Variants in LHFPL3 observed in about 807,000 individuals in gnomAD.
LHFPL3 encodes the protein LHFPL tetraspan subfamily member 3 protein.
In LHFPL3, 5 loss-of-function variants were observed where a neutral mutation model predicts 19.3. The observed-to-expected ratio is 0.26, with a 90% CI of 0.14 to 0.54. The LOEUF is 0.54. Ranked by LOEUF, LHFPL3 falls within the 20% of genes least tolerant of loss-of-function variation. The pLI, the probability that LHFPL3 is intolerant of heterozygous loss-of-function variation, is 0.94. For synonymous variants in LHFPL3, 133 were observed against 126.2 expected, an observed-to-expected ratio of 1.05 and a Z score of -0.36; for missense variants, 249 against 307.4, an observed-to-expected ratio of 0.81 and a Z score of 1.42.
At chr7:104,505,563 G>T (rs914301508) in intron 1 of LHFPL3, among the ~76,000 whole-genome samples, 1 of 152,118 alleles carries the variant, frequency 6.6e-6, no homozygotes, top group Non-Finnish European at 1.5e-5. Flanking sequence ...GAGCATGGAT[G>T]ACTGAGTTGT....
chr7:104,729,982 G>T (rs1185371471), intron 1 of LHFPL3, among the ~76,000 whole-genome samples: 1 of 151,746 alleles, frequency 6.6e-6, no homozygotes, highest in East Asian at 1.9e-4. Flanking sequence ...ACCTATGAGT[G>T]AGAACATGCA....
chr7:104,417,868 TCTTCTTCTTC>T (rs1562890942), intron 1 of LHFPL3, among the ~76,000 whole-genome samples: 121 of 129,472 alleles, frequency 9.3e-4, no homozygotes, highest in African/African-American at 3.3e-3. Context: ...TTCTTCTTCT[TCTTCTTCTTC>T]TTCTTCTTTT....
At chr7:104,697,490 T>C (rs1472339821) in intron 1 of LHFPL3, among the ~76,000 whole-genome samples, 2 of 152,156 alleles carry the variant, frequency 1.3e-5, no homozygotes, top group Non-Finnish European at 2.9e-5. Flanking sequence ...AAAATAAATA[T>C]AGAATGATTG....
chr7:104,342,623 C>T (rs1476766228), intron 1 of LHFPL3, among the ~76,000 whole-genome samples: 1 of 152,156 alleles, frequency 6.6e-6, no homozygotes, highest in African/African-American at 2.4e-5. Flanking sequence ...TCTTTAGGAA[C>T]CTGAAGTGCA....
At chr7:104,610,766 A>G (rs141226303) in intron 1 of LHFPL3, among the ~76,000 whole-genome samples, 1,843 of 152,334 alleles carry the variant, frequency 0.012, 23 homozygotes, top group Middle Eastern at 0.017. Context: ...TGCTCATCTC[A>G]TCCAGAAACA....
intron 2 of LHFPL3, among the ~76,000 whole-genome samples, chr7:104,810,225 G>A (rs1261041876): frequency 2.0e-5 from 3 of 152,186 alleles, no homozygotes; most frequent in Non-Finnish European, 4.4e-5. Flanking sequence ...GGCTAGCCGT[G>A]ATGGGCTCTG....
intron 1 of LHFPL3, among the ~76,000 whole-genome samples, chr7:104,410,197 A>G (rs1393429534): frequency 6.6e-6 from 1 of 152,050 alleles, no homozygotes; most frequent in African/African-American, 2.4e-5. Flanking sequence ...CAATGGTGCA[A>G]TCTTGGCTCA....
chr7:104,737,750 G>A (rs2116306343), intron 2 of LHFPL3, among the ~76,000 whole-genome samples: 1 of 152,252 alleles, frequency 6.6e-6, no homozygotes, highest in African/African-American at 2.4e-5. Flanking sequence ...CTTTAAAACT[G>A]TGCACTTACA....
intron 1 of LHFPL3, among the ~76,000 whole-genome samples, chr7:104,362,698 G>A (rs1235672166): frequency 6.6e-6 from 1 of 152,206 alleles, no homozygotes; most frequent in Non-Finnish European, 1.5e-5. Flanking sequence ...CCAGCTAAAT[G>A]GGAGACCAGA....
chr7:104,722,188 G>A (rs1793502582), intron 1 of LHFPL3, among the ~76,000 whole-genome samples: 1 of 152,100 alleles, frequency 6.6e-6, no homozygotes, highest in South Asian at 2.1e-4. Context: ...CATACATGCA[G>A]GTGTGGACGG....
intron 1 of LHFPL3, among the ~76,000 whole-genome samples, chr7:104,655,961 C>T (rs1416749256): frequency 6.6e-6 from 1 of 152,084 alleles, no homozygotes; most frequent in East Asian, 1.9e-4. Flanking sequence ...TAGAAAATGA[C>T]TCGTAGGGCT....
At chr7:104,524,184 G>T (rs1794136723) in intron 1 of LHFPL3, among the ~76,000 whole-genome samples, 12 of 152,160 alleles carry the variant, frequency 7.9e-5, no homozygotes, top group Admixed American at 7.9e-4. Context: ...AGAGAAGTTA[G>T]ACAAGGCAAG....
intron 1 of LHFPL3, among the ~76,000 whole-genome samples, chr7:104,467,815 T>C (rs1468645184): frequency 6.6e-6 from 1 of 152,220 alleles, no homozygotes; most frequent in African/African-American, 2.4e-5. Flanking sequence ...TTTGGTTTAT[T>C]TATTTTCTCC....
At chr7:104,391,466 G>C (rs1269549221) in intron 1 of LHFPL3, among the ~76,000 whole-genome samples, 2 of 152,186 alleles carry the variant, frequency 1.3e-5, no homozygotes, top group South Asian at 2.1e-4. Context: ...GCTTGTTTTT[G>C]TTAGGTTTGT....
intron 1 of LHFPL3, among the ~76,000 whole-genome samples, chr7:104,390,459 T>C (rs1484623210): frequency 1.1e-4 from 16 of 152,204 alleles, no homozygotes; most frequent in Admixed American, 4.6e-4. Context: ...GTCCTTGTGA[T>C]AGTTTGCTGA....
chr7:104,462,609 G>T (rs879030402), intron 1 of LHFPL3, among the ~76,000 whole-genome samples: 1 of 152,186 alleles, frequency 6.6e-6, no homozygotes, highest in Non-Finnish European at 1.5e-5. Context: ...TGGTGGATTA[G>T]CTTTTTGATG....
intron 1 of LHFPL3, among the ~76,000 whole-genome samples, chr7:104,542,480 T>A (rs1319253372): frequency 6.6e-6 from 1 of 152,148 alleles, no homozygotes; most frequent in East Asian, 1.9e-4. Flanking sequence ...TGTCACAGAC[T>A]GGGGCTGCTT....
intron 1 of LHFPL3, among the ~76,000 whole-genome samples, chr7:104,508,477 G>A (rs1352562901): frequency 1.8e-5 from 2 of 113,900 alleles, no homozygotes; most frequent in Non-Finnish European, 3.4e-5. Context: ...GGGGAGGGGG[G>A]AGGGATAGCA....
At chr7:104,395,664 C>G (rs1791168609) in intron 1 of LHFPL3, among the ~76,000 whole-genome samples, 1 of 152,142 alleles carries the variant, frequency 6.6e-6, no homozygotes, top group South Asian at 2.1e-4. Context: ...GAGATACTGG[C>G]TTTCTCATGC....
Sources: gnomAD v4.1 joint callset for allele counts (sites outside exome capture counted in the v4.1 genomes callset) on GRCh38, gnomAD v4.1.1 for gene constraint, MANE v1.5 for transcripts, NCBI Gene and HGNC (gene_info 2026-07-23, HGNC 2026-07-21) for gene names.